NEO1: variants seen among roughly 807,000 people sequenced by gnomAD.
NEO1 encodes the protein neogenin 1.
NEO1 carries 63 observed loss-of-function variants against 159.7 expected under a neutral mutation model. The ratio of observed to expected loss-of-function variants is 0.39; its 90% CI spans 0.32 to 0.49. NEO1 has a LOEUF of 0.49. NEO1 is among the 20% of genes least tolerant of loss of function. The pLI is 0.85. For missense variants in NEO1, 1,615 were observed against 1,831.0 expected (o/e 0.88, Z 2.15); for synonymous variants, 633 against 662.0 (o/e 0.96, Z 0.67).
At chr15:73,282,557 C>T (rs1411027044) in intron 22 of NEO1, among the ~76,000 whole-genome samples, 2 of 152,178 alleles carry the variant, frequency 1.3e-5, no homozygotes, top group Admixed American at 6.5e-5. Flanking sequence ...TATGAATGAA[C>T]ATTTTTAAAT....
upstream of NEO1, chr15:73,052,349 C>T (rs2067479228): frequency 7.9e-6 from 1 of 125,972 alleles, no homozygotes; most frequent in African/African-American, 2.9e-5. Context: ...CCCCCTCGCG[C>T]TGGTGTGTGG....
At chr15:73,180,533 C>G (rs1006112438) in intron 7 of NEO1, among the ~76,000 whole-genome samples, 2 of 152,118 alleles carry the variant, frequency 1.3e-5, no homozygotes, top group African/African-American at 4.8e-5. Flanking sequence ...AGTGACTTTT[C>G]TTAGTAAACC....
At chr15:73,214,944 T>G (rs949761197) in intron 7 of NEO1, among the ~76,000 whole-genome samples, 9 of 152,178 alleles carry the variant, frequency 5.9e-5, no homozygotes, top group African/African-American at 2.2e-4. Context: ...TTGTGTTGTC[T>G]GTGATTTCTT....
At position 73,082,736 on chromosome 15, in the gene NEO1, A is replaced by G. The variant is rs117236112; in HGVS notation, c.130+29931A>G. On this transcript the variant is annotated intron_variant, in intron 1 of 28. Transcript: ENST00000261908. ...TTTATATATGGGCACTGTGTTAGGTATACATGATAAAATAGTGAAAATAAA... is the reference window on the plus strand; with the variant it reads ...TTTATATATGGGCACTGTGTTAGGTGTACATGATAAAATAGTGAAAATAAA... Among the ~76,000 whole-genome samples, 613 of 152,320 alleles carry G rather than the reference A, an allele frequency of 4.0e-3. 11 individuals carry two copies. In the East Asian group the frequency reaches 0.047, roughly 12 times the overall value.
intron 5 of NEO1, among the ~76,000 whole-genome samples, chr15:73,170,492 A>G (rs1020189333): frequency 4.3e-4 from 65 of 152,344 alleles, no homozygotes; most frequent in African/African-American, 1.5e-3. Flanking sequence ...CTGAAGTCCA[A>G]TAGAGTCATG....
At chr15:73,096,206 A>G (rs577964532) in intron 1 of NEO1, among the ~76,000 whole-genome samples, 48 of 152,334 alleles carry the variant, frequency 3.2e-4, no homozygotes, top group African/African-American at 1.2e-3. Flanking sequence ...AACAATAGCA[A>G]ACACAATAGA....
chr15:73,201,084 G>A (rs1475029429), intron 7 of NEO1, among the ~76,000 whole-genome samples: 2 of 151,780 alleles, frequency 1.3e-5, no homozygotes, highest in African/African-American at 2.4e-5. Context: ...CTTGGTGCCT[G>A]GCTACAGGTT....
chr15:73,196,677 G>C (rs140421214), intron 7 of NEO1, among the ~76,000 whole-genome samples: 1 of 152,182 alleles, frequency 6.6e-6, no homozygotes, highest in African/African-American at 2.4e-5. Flanking sequence ...ATTTTGAAGT[G>C]TGTTATTCTC....
chr15:73,214,043 T>C (rs1439478587), intron 7 of NEO1, among the ~76,000 whole-genome samples: 2 of 152,250 alleles, frequency 1.3e-5, no homozygotes, highest in African/African-American at 4.8e-5. Flanking sequence ...TTTTTTCGTA[T>C]GTTGGCCATT....
chr15:73,149,573 C>T (rs1332017119), intron 5 of NEO1, among the ~76,000 whole-genome samples: 2 of 151,696 alleles, frequency 1.3e-5, no homozygotes, highest in East Asian at 3.9e-4. Flanking sequence ...TATTCTTGTC[C>T]AGGTGATTTC....
chr15:73,075,244 G>A (rs553831215), intron 1 of NEO1, among the ~76,000 whole-genome samples: 15 of 152,210 alleles, frequency 9.9e-5, no homozygotes, highest in African/African-American at 3.6e-4. Context: ...GGATTTTTGT[G>A]GGGGCGGGAA....
intron 5 of NEO1, among the ~76,000 whole-genome samples, chr15:73,142,858 C>G (rs2032533753): frequency 6.6e-6 from 1 of 152,184 alleles, no homozygotes; most frequent in Non-Finnish European, 1.5e-5. Context: ...TAACCTCCCC[C>G]CACAACACTA....
At chr15:73,174,949 T>C (rs2035197884) in intron 5 of NEO1, among the ~76,000 whole-genome samples, 1 of 152,222 alleles carries the variant, frequency 6.6e-6, no homozygotes, top group Non-Finnish European at 1.5e-5. Flanking sequence ...CCTAAGATTA[T>C]ACATGATTTC....
chr15:73,171,982 T>C (rs1289118151), intron 5 of NEO1, among the ~76,000 whole-genome samples: 2 of 152,072 alleles, frequency 1.3e-5, no homozygotes, highest in Non-Finnish European at 2.9e-5. Context: ...GGTATCATGG[T>C]TATGTTTAGA....
chr15:73,189,360 G>A (rs191542300), intron 7 of NEO1, among the ~76,000 whole-genome samples: 3 of 152,166 alleles, frequency 2.0e-5, no homozygotes, highest in Admixed American at 6.5e-5. Context: ...TGCAAATACC[G>A]TATTTTTTGT....
At chr15:73,125,062 A>G (rs2030001063) in intron 3 of NEO1, among the ~76,000 whole-genome samples, 1 of 152,218 alleles carries the variant, frequency 6.6e-6, no homozygotes, top group Non-Finnish European at 1.5e-5. Context: ...CAAATCCTCA[A>G]AATCTGAATC....
At chr15:73,062,833 C>T (rs2068041767) in intron 1 of NEO1, among the ~76,000 whole-genome samples, 1 of 152,184 alleles carries the variant, frequency 6.6e-6, no homozygotes, top group Non-Finnish European at 1.5e-5. Context: ...GTCAGCAGAA[C>T]ATCCCTGTAA....
chr15:73,130,308 G>GCCC (rs71281951), intron 4 of NEO1, among the ~76,000 whole-genome samples: 46 of 146,110 alleles, frequency 3.1e-4, no homozygotes, highest in South Asian at 4.5e-4. Flanking sequence ...TCAGTTTCCC[G>GCCC]CCCCCCCCGC....
intron 7 of NEO1, among the ~76,000 whole-genome samples, chr15:73,198,169 A>AT (rs1238739285): frequency 6.0e-5 from 9 of 150,308 alleles, no homozygotes; most frequent in South Asian, 2.1e-4. Flanking sequence ...GTATTTAGCC[A>AT]TTTTTTTTTC....
Sources: gnomAD v4.1 joint callset for allele counts (sites outside exome capture counted in the v4.1 genomes callset) on GRCh38, gnomAD v4.1.1 for gene constraint, MANE v1.5 for transcripts, NCBI Gene and HGNC (gene_info 2026-07-23, HGNC 2026-07-21) for gene names.